The following CHRNA7 variants were observed in gnomAD, a reference collection of about 807,000 sequenced individuals.
CHRNA7 encodes cholinergic receptor nicotinic alpha 7 subunit, also known as neuronal acetylcholine receptor subunit alpha-7.
Under a neutral mutation model 48.0 loss-of-function variants are expected in CHRNA7, and 17 were observed. The ratio of observed to expected loss-of-function variants is 0.35; its 90% CI spans 0.24 to 0.53. The LOEUF (loss-of-function observed/expected upper bound fraction) is 0.53. CHRNA7 is among the 20% of genes least tolerant of loss of function. CHRNA7 has a pLI of 0.92. For missense variants in CHRNA7, 155 were observed against 577.7 expected (o/e 0.27, Z 7.50); for synonymous variants, 75 against 242.3 (o/e 0.31, Z 6.41).
intron 4 of CHRNA7, among the ~76,000 whole-genome samples, chr15:32,145,540 A>G (rs1455905309): frequency 1.3e-5 from 2 of 152,186 alleles, no homozygotes; most frequent in African/African-American, 2.4e-5. Flanking sequence ...GAGTCTATAG[A>G]GGCAGTAGGC....
At chr15:32,094,111 G>T (rs1291867024) in intron 2 of CHRNA7, among the ~76,000 whole-genome samples, 2 of 152,164 alleles carry the variant, frequency 1.3e-5, no homozygotes, top group African/African-American at 2.4e-5. Context: ...GCATATATCT[G>T]TAAACAGTTC....
intron 2 of CHRNA7, among the ~76,000 whole-genome samples, chr15:32,047,647 A>T (rs1211494042): frequency 1.3e-5 from 2 of 152,058 alleles, no homozygotes; most frequent in African/African-American, 4.8e-5. Context: ...TCTTTTCCTA[A>T]TTGAATACCC....
chr15:32,099,452 T>A (rs2050533211), intron 2 of CHRNA7: 3 of 152,322 alleles, frequency 2.0e-5, no homozygotes, highest in African/African-American at 7.2e-5. Context: ...CTGCACTTGG[T>A]CCCAAGTTGC....
At chr15:32,074,912 G>A (rs1379195987) in intron 2 of CHRNA7, among the ~76,000 whole-genome samples, 1 of 152,070 alleles carries the variant, frequency 6.6e-6, no homozygotes, top group Non-Finnish European at 1.5e-5. Flanking sequence ...GCCTCCCAAA[G>A]TGCTAGGATT....
At chr15:32,091,416 A>G (rs2050379858) in intron 2 of CHRNA7, among the ~76,000 whole-genome samples, 1 of 151,966 alleles carries the variant, frequency 6.6e-6, no homozygotes, top group African/African-American at 2.4e-5. Context: ...TGGGTCCTCA[A>G]GTTTTACTGG....
chr15:32,071,728 C>T (rs915834643), intron 2 of CHRNA7, among the ~76,000 whole-genome samples: 4 of 152,210 alleles, frequency 2.6e-5, no homozygotes, highest in African/African-American at 9.7e-5. Context: ...CTCCCCTTCA[C>T]CTTCCACCAT....
At chr15:32,063,880 G>A (rs895405940) in intron 2 of CHRNA7, among the ~76,000 whole-genome samples, 2 of 152,152 alleles carry the variant, frequency 1.3e-5, no homozygotes, top group African/African-American at 4.8e-5. Flanking sequence ...ATCAACTAGA[G>A]AATTTCCCTT....
intron 4 of CHRNA7, among the ~76,000 whole-genome samples, chr15:32,145,058 C>T (rs1283542025): frequency 6.6e-6 from 1 of 152,138 alleles, no homozygotes; most frequent in Non-Finnish European, 1.5e-5. Context: ...GTTTTATCTA[C>T]CTTTGGTCTT....
At chr15:32,103,441 A>G (rs1351809845) in intron 3 of CHRNA7, among the ~76,000 whole-genome samples, 1 of 151,936 alleles carries the variant, frequency 6.6e-6, no homozygotes, top group Non-Finnish European at 1.5e-5. Context: ...GAAAAAGAAA[A>G]TGGATGTGCT....
At chr15:32,105,149 C>T (rs1268415875) in intron 3 of CHRNA7, among the ~76,000 whole-genome samples, 1 of 152,222 alleles carries the variant, frequency 6.6e-6, no homozygotes, top group Non-Finnish European at 1.5e-5. Context: ...CTTACATTTG[C>T]AGAAGCATCT....
intron 2 of CHRNA7, among the ~76,000 whole-genome samples, chr15:32,062,638 T>C (rs1454458875): frequency 2.6e-5 from 4 of 152,202 alleles, no homozygotes. Flanking sequence ...TTTTCTTTTA[T>C]GATTGCCTTT....
chr15:32,055,701 C>T (rs1239754081), intron 2 of CHRNA7, among the ~76,000 whole-genome samples: 1 of 152,136 alleles, frequency 6.6e-6, no homozygotes, highest in East Asian at 1.9e-4. Context: ...TGCAGTTGGC[C>T]AGGCGTGGTG....
intron 2 of CHRNA7, among the ~76,000 whole-genome samples, chr15:32,081,907 A>G (rs944018161): frequency 1.3e-4 from 20 of 152,206 alleles, no homozygotes; most frequent in African/African-American, 4.8e-4. Flanking sequence ...TGGTGGCAAC[A>G]CAATCTTTTA....
At chr15:32,104,982 C>A (rs78150686) in intron 3 of CHRNA7, among the ~76,000 whole-genome samples, 1,550 of 152,230 alleles carry the variant, frequency 0.01, 26 homozygotes, top group African/African-American at 0.035. Flanking sequence ...TATGATTTGG[C>A]AATTTTATTT....
intron 2 of CHRNA7, among the ~76,000 whole-genome samples, chr15:32,053,717 G>A (rs2049734382): frequency 6.6e-6 from 1 of 152,160 alleles, no homozygotes; most frequent in Non-Finnish European, 1.5e-5. Context: ...CAGCTCCCAG[G>A]TAGCCAAAAC....
intron 4 of CHRNA7, among the ~76,000 whole-genome samples, chr15:32,152,886 G>A (rs1189640516): frequency 1.3e-5 from 2 of 151,882 alleles, no homozygotes; most frequent in Non-Finnish European, 2.9e-5. Flanking sequence ...CAGGCTGTTG[G>A]TGTAATTGCT....
chr15:32,064,079 C>A lies in CHRNA7; in HGVS notation c.195+33042C>A, dbSNP rs547507824. Reference sequence around the variant, plus strand: ...ACTTTTTCTTAGAATTTTGTTGTTTCTTTTCTTATTCCAATGTTCCAGTTC... The same window carrying A: ...ACTTTTTCTTAGAATTTTGTTGTTTATTTTCTTATTCCAATGTTCCAGTTC... On this transcript the variant is annotated intron_variant, in intron 2 of 9. Transcript: ENST00000306901. 4.6e-5 allele frequency among the ~76,000 whole-genome samples: 7 copies of A among 152,228 alleles called. No homozygotes were observed. The East Asian group carries it at 1.4e-3, about 29-fold the overall frequency.
At chr15:32,110,523 G>A (rs1277389285) in intron 3 of CHRNA7, among the ~76,000 whole-genome samples, 1 of 152,184 alleles carries the variant, frequency 6.6e-6, no homozygotes, top group Non-Finnish European at 1.5e-5. Context: ...TGTCAGATTA[G>A]ATCCTTCCAG....
At chr15:32,033,527 A>G (rs1393245648) in intron 2 of CHRNA7, among the ~76,000 whole-genome samples, 1 of 152,230 alleles carries the variant, frequency 6.6e-6, no homozygotes, top group Non-Finnish European at 1.5e-5. Flanking sequence ...CATTTAATTT[A>G]TTTAAACTGG....
Sources: gnomAD v4.1 joint callset for allele counts (sites outside exome capture counted in the v4.1 genomes callset) on GRCh38, gnomAD v4.1.1 for gene constraint, MANE v1.5 for transcripts, NCBI Gene and HGNC (gene_info 2026-07-23, HGNC 2026-07-21) for gene names.